Variants in NMBR observed in about 807,000 individuals in gnomAD.
NMBR encodes the protein neuromedin B receptor.
In NMBR, 16 loss-of-function variants were observed where a neutral mutation model predicts 20.5. The observed-to-expected ratio is 0.78, with a 90% CI of 0.53 to 1.19. NMBR has a LOEUF of 1.19. Ranked by LOEUF, NMBR falls within the 50% of genes most tolerant of loss-of-function variation. The pLI is 0.00. For synonymous variants in NMBR, 212 were observed against 196.6 expected, an observed-to-expected ratio of 1.08 and a Z score of -0.65; for missense variants, 582 against 499.1, an observed-to-expected ratio of 1.17 and a Z score of -1.58.
At chr6:142,124,020 A>T (rs1468213585) in intron 1 of NMBR, among the ~76,000 whole-genome samples, 1 of 151,958 alleles carries the variant, frequency 6.6e-6, no homozygotes, top group Non-Finnish European at 1.5e-5. Context: ...AAAAGGAGGA[A>T]TATAGAGAGG....
intron 2 of NMBR, among the ~76,000 whole-genome samples, chr6:142,079,126 G>GAAAAAGAAAGA (rs11451074): frequency 1.1e-4 from 11 of 103,278 alleles, no homozygotes; most frequent in African/African-American, 4.5e-4. Context: ...AAGAAAGAAA[G>GAAAAAGAAAGA]AAGAAAGAAA....
At chr6:142,139,559 G>A (rs911012910) in intron 1 of NMBR, among the ~76,000 whole-genome samples, 1 of 152,132 alleles carries the variant, frequency 6.6e-6, no homozygotes, top group Admixed American at 6.6e-5. Flanking sequence ...AACTTCCTCG[G>A]CCTCCCTGAG....
At position 142,131,240 on chromosome 6, in the gene NMBR, C is replaced by A. The variant is rs551067569; in HGVS notation, c.-664+15804G>T. On this transcript the variant is annotated intron_variant, in intron 1 of 3. Transcript: ENST00000258042. ...ATCCTGTAATGAAAGTGAAGACATG[C>A]GGGAGGCATGTTAACATTTGTAATC... is the stretch of plus-strand genomic sequence containing the variant. Among the ~76,000 whole-genome samples the A allele has an allele frequency of 2.6e-5, 4 of 152,088 alleles. No homozygotes were observed. In the South Asian group the frequency reaches 8.3e-4, roughly 32 times the overall value.
In NMBR at chr6:142,088,557, G is replaced by T. The variant is rs112415060; in HGVS notation, c.102C>A (p.Asp34Glu). The change falls in exon 2 of 4, where the codon GAC becomes GAA. Residue 34 changes from aspartate (D) to glutamate (E), a missense_variant. By Grantham distance (45) the Asp-to-Glu change is conservative (BLOSUM62 2). Transcript: ENST00000258042. ...GGATCACCAACTCCGTGGTGGTCCC[G>T]TCCGAGGCCGGCAGGAAATCCCTTT... ...GWERDFLPAS[D>E]GTTTELVIRC... 4 of 1,613,694 alleles carry T rather than the reference G, an allele frequency of 2.5e-6. No individual in the cohort carries two copies. In the African/African-American group the frequency reaches 4.0e-5, roughly 16 times the overall value.
At chr6:142,104,404 T>C (rs1013676989) in intron 1 of NMBR, among the ~76,000 whole-genome samples, 3 of 152,212 alleles carry the variant, frequency 2.0e-5, no homozygotes, top group Admixed American at 2.0e-4. Flanking sequence ...TAATTTAACA[T>C]GTCAAAACAT....
Position 142,088,358 on chromosome 6 carries a change from C to T in NMBR, c.301G>A (p.Ala101Thr), listed in dbSNP as rs757097609. The T allele has an allele frequency of 1.4e-5, 22 of 1,614,160 alleles. No homozygotes were observed. In the East Asian group the frequency reaches 4.0e-4, roughly 29 times the overall value. The change falls in exon 2 of 4, where the codon GCC (alanine) becomes ACC (threonine). Residue 101 changes from alanine (A) to threonine (T), a missense_variant. Transcript: ENST00000258042. ...LLLLTCVPVD[A>T]SRYFFDEWMF... is the part of the protein sequence containing the mutation. The stretch of plus-strand genomic sequence containing the variant: ...CACTCGTCGAAGAAGTAGCGCGAGG[C>T]GTCCACCGGGACGCAGGTGAGCAGC...
At chr6:142,127,385 G>T (rs1430379746) in intron 1 of NMBR, among the ~76,000 whole-genome samples, 1 of 151,908 alleles carries the variant, frequency 6.6e-6, no homozygotes, top group South Asian at 2.1e-4. Flanking sequence ...TTTGATTACT[G>T]TAGTCTTTAT....
At chr6:142,131,511 G>T (rs1454031629) in intron 1 of NMBR, among the ~76,000 whole-genome samples, 7 of 152,100 alleles carry the variant, frequency 4.6e-5, no homozygotes, top group African/African-American at 1.2e-4. Flanking sequence ...CTGTTAGCAT[G>T]CAAGAAACAC....
chr6:142,103,593 G>C (rs1777604159), intron 1 of NMBR, among the ~76,000 whole-genome samples: 2 of 152,134 alleles, frequency 1.3e-5, no homozygotes, highest in Admixed American at 6.6e-5. Flanking sequence ...TGAGGTGGCT[G>C]TCCAGAATCT....
rs1218052719 is a variant in NMBR at position 142,075,278 on chromosome 6, TGCTAGAA to T, written c.*363_*369del. On this transcript the variant is annotated 3_prime_UTR_variant, in exon 4 of 4. Transcript: ENST00000258042. ...GATAAAACAAAACCTAAGACAAATA[TGCTAGAA>T]CTGGCTTTAGCAACAGCCTAAATAC... Among the ~76,000 whole-genome samples the T allele has an allele frequency of 6.6e-6, 1 of 152,110 alleles. No homozygotes were observed. Among genetic ancestry groups the T allele is most frequent in the Non-Finnish European group, 1.5e-5 (1 of 68,006 alleles).
intron 1 of NMBR, among the ~76,000 whole-genome samples, chr6:142,121,338 G>T (rs961087464): frequency 2.0e-5 from 3 of 151,876 alleles, no homozygotes; most frequent in African/African-American, 7.3e-5. Flanking sequence ...AGAGTCACAG[G>T]TCTCTCACTT....
intron 1 of NMBR, among the ~76,000 whole-genome samples, chr6:142,137,779 T>C (rs1425456967): frequency 6.6e-6 from 1 of 152,172 alleles, no homozygotes; most frequent in African/African-American, 2.4e-5. Flanking sequence ...TTGGTTCTGT[T>C]TATATGCTGG....
At chr6:142,103,822 G>T (rs2114583121) in intron 1 of NMBR, among the ~76,000 whole-genome samples, 1 of 152,204 alleles carries the variant, frequency 6.6e-6, no homozygotes, top group African/African-American at 2.4e-5. Flanking sequence ...TGCCCTGCTT[G>T]GGTTAGCAGT....
chr6:142,100,144 A>T (rs73577712), intron 1 of NMBR, among the ~76,000 whole-genome samples: 145 of 152,366 alleles, frequency 9.5e-4, no homozygotes, highest in African/African-American at 3.1e-3. Flanking sequence ...TTTGGAAGAC[A>T]GTTTGGCAGT....
At chr6:142,087,639 AG>A (rs1216096872) in intron 2 of NMBR, among the ~76,000 whole-genome samples, 5 of 152,218 alleles carry the variant, frequency 3.3e-5, no homozygotes, top group African/African-American at 1.2e-4. Context: ...GGAAAAAAAA[AG>A]TCTCTTAGCT....
chr6:142,121,713 C>T lies in NMBR; in HGVS notation c.-664+25331G>A, dbSNP rs967330310. 3.3e-5 allele frequency among the ~76,000 whole-genome samples: 5 copies of T among 151,076 alleles called. No homozygotes were observed. In the East Asian group the frequency reaches 5.9e-4, roughly 18 times the overall value. The stretch of plus-strand genomic sequence containing the variant: ...TTCCCTCCTTAGCCTTAAAAAAATA[C>T]GCTAAAACATACTTTAAAACTCTGT... On this transcript the variant is annotated intron_variant, in intron 1 of 3. Coordinates refer to ENST00000258042, the MANE Select transcript of NMBR (RefSeq NM_002511.4).
At position 142,078,907 on chromosome 6, in the gene NMBR, G is replaced by C. The variant is rs899814835; in HGVS notation, c.423-4C>G. Reference sequence around the variant, plus strand: ...GGGGTTAACGATGGCTCTGTACCTGGGAAAATGATACATCTCAAGTTATTC... The same window carrying C: ...GGGGTTAACGATGGCTCTGTACCTGCGAAAATGATACATCTCAAGTTATTC... On this transcript the variant is annotated splice_region_variant and splice_polypyrimidine_tract_variant and intron_variant, in intron 2 of 3. Transcript: ENST00000258042. 6.4e-7 allele frequency: 1 copy of C among 1,551,162 alleles called. No homozygotes were observed. Among genetic ancestry groups the C allele is most frequent in the Non-Finnish European group, 8.8e-7 (1 of 1,142,094 alleles).
intron 1 of NMBR, among the ~76,000 whole-genome samples, chr6:142,090,071 A>C (rs1269714185): frequency 1.3e-5 from 2 of 152,182 alleles, no homozygotes; most frequent in Non-Finnish European, 2.9e-5. Flanking sequence ...GTAGATATAT[A>C]TTCAATAAAC....
intron 1 of NMBR, among the ~76,000 whole-genome samples, chr6:142,120,550 C>A (rs1474403627): frequency 6.6e-6 from 1 of 151,788 alleles, no homozygotes; most frequent in East Asian, 1.9e-4. Flanking sequence ...AAGAAAACAC[C>A]CAAGGCCAGA....
Sources: gnomAD v4.1 joint callset for allele counts (sites outside exome capture counted in the v4.1 genomes callset) on GRCh38, gnomAD v4.1.1 for gene constraint, MANE v1.5 for transcripts, NCBI Gene and HGNC (gene_info 2026-07-23, HGNC 2026-07-21) for gene names.